Variants in WIPF2 observed in about 807,000 individuals in gnomAD.
WIPF2 encodes the protein WAS/WASL interacting protein family member 2.
In WIPF2, 23 loss-of-function variants were observed where a neutral mutation model predicts 38.8. The observed-to-expected ratio is 0.59, with a 90% CI of 0.43 to 0.84. The LOEUF is 0.84. Ranked by LOEUF, WIPF2 falls within the 40% of genes least tolerant of loss-of-function variation. The pLI is 0.00. For synonymous variants in WIPF2, 210 were observed against 223.2 expected, an observed-to-expected ratio of 0.94 and a Z score of 0.53; for missense variants, 574 against 580.5, an observed-to-expected ratio of 0.99 and a Z score of 0.11.
intron 2 of WIPF2, among the ~76,000 whole-genome samples, chr17:40,257,062 T>C (rs1279787052): frequency 6.6e-6 from 1 of 152,038 alleles, no homozygotes; most frequent in Non-Finnish European, 1.5e-5. Flanking sequence ...CACTGCAACC[T>C]CTGCCTCCTG....
intron 1 of WIPF2, among the ~76,000 whole-genome samples, chr17:40,227,409 C>A (rs1180295624): frequency 1.3e-5 from 2 of 152,068 alleles, no homozygotes; most frequent in East Asian, 3.9e-4. Flanking sequence ...GGATGGTGGC[C>A]ATGGAAGTCA....
intron 7 of WIPF2, 54 bp from the exon 8 acceptor site, chr17:40,278,131 C>G: frequency 6.3e-7 from 1 of 1,582,200 alleles, no homozygotes; most frequent in Non-Finnish European, 8.6e-7. Context: ...GTGGGTTGTT[C>G]AGATTCTGGT....
intron 1 of WIPF2, among the ~76,000 whole-genome samples, chr17:40,245,594 C>T (rs370634836): frequency 6.6e-5 from 10 of 152,070 alleles, no homozygotes; most frequent in Admixed American, 2.0e-4. Context: ...CTACCCGCCT[C>T]GGCCTCCCAA....
chr17:40,254,881 T>C (rs537741741), intron 1 of WIPF2, among the ~76,000 whole-genome samples: 1 of 151,532 alleles, frequency 6.6e-6, no homozygotes, highest in South Asian at 2.1e-4. Flanking sequence ...CAGGCACATG[T>C]CATCACGCCC....
intron 1 of WIPF2, among the ~76,000 whole-genome samples, chr17:40,233,268 A>G (rs1304877150): frequency 6.6e-6 from 1 of 152,080 alleles, no homozygotes; most frequent in Admixed American, 6.6e-5. Flanking sequence ...GTTTGTTTAT[A>G]TGGTGATTTT....
At chr17:40,243,761 T>C (rs1277544821) in intron 1 of WIPF2, among the ~76,000 whole-genome samples, 1 of 152,040 alleles carries the variant, frequency 6.6e-6, no homozygotes, top group African/African-American at 2.4e-5. Context: ...CCTCGGGTGA[T>C]CCACCCACCT....
chr17:40,275,131 C>T (rs2032357836), intron 6 of WIPF2, among the ~76,000 whole-genome samples: 1 of 150,460 alleles, frequency 6.6e-6, no homozygotes, highest in South Asian at 2.1e-4. Context: ...ATCCCAGCTA[C>T]TCAGAAGGCT....
At chr17:40,244,627 G>A (rs566973819) in intron 1 of WIPF2, among the ~76,000 whole-genome samples, 76 of 152,220 alleles carry the variant, frequency 5.0e-4, no homozygotes, top group African/African-American at 1.7e-3. Context: ...GGTTTCTTTG[G>A]TTTTACAGTG....
At chr17:40,220,619 G>GTA (rs1334730875) in intron 1 of WIPF2, 129 of 58,378 alleles carry the variant, frequency 2.2e-3, no homozygotes, top group African/African-American at 8.1e-3. Context: ...ATATATATAT[G>GTA]TATATATATA....
At chr17:40,261,154 C>T (rs1325892438) in intron 3 of WIPF2, among the ~76,000 whole-genome samples, 1 of 151,846 alleles carries the variant, frequency 6.6e-6, no homozygotes, top group African/African-American at 2.4e-5. Flanking sequence ...TGACTGAAAC[C>T]AAGGTTGATT....
At chr17:40,248,025 G>A (rs542702209) in intron 1 of WIPF2, among the ~76,000 whole-genome samples, 1 of 151,870 alleles carries the variant, frequency 6.6e-6, no homozygotes, top group South Asian at 2.1e-4. Context: ...AAACCTGGTT[G>A]AAAAATATAC....
chr17:40,239,661 A>G (rs2031112690), intron 1 of WIPF2, among the ~76,000 whole-genome samples: 1 of 146,308 alleles, frequency 6.8e-6, no homozygotes, highest in Non-Finnish European at 1.5e-5. Context: ...AGCTGTGACT[A>G]GTTCCTTTGG....
At chr17:40,247,211 T>G (rs981794578) in intron 1 of WIPF2, among the ~76,000 whole-genome samples, 2 of 126,628 alleles carry the variant, frequency 1.6e-5, no homozygotes, top group African/African-American at 3.0e-5. Flanking sequence ...TTCAGGGTTT[T>G]TTTTTTTTTT....
chr17:40,260,550 C>T lies in WIPF2; in HGVS notation c.79C>T (p.Pro27Ser), dbSNP rs1463098821. 3.1e-6 allele frequency: 5 copies of T among 1,613,714 alleles called. No homozygotes were observed. Among genetic ancestry groups the T allele is most frequent in the Non-Finnish European group, 4.2e-6 (5 of 1,179,972 alleles). The change falls in exon 3 of 8, where the codon CCC (proline) becomes TCC (serine). Residue 27 changes from proline (P) to serine (S), a missense_variant. Transcript: ENST00000323571. ...TATCCTCCAGGCAAACACAGAGCAG[C>T]CCAAGCTGAGTAGAGATGAGCAGCG... ...PTFHQANTEQ[P>S]KLSRDEQRGR...
At chr17:40,273,536 A>G (rs1020454281) in intron 5 of WIPF2, 1 of 468,250 alleles carries the variant, frequency 2.1e-6, no homozygotes, top group Non-Finnish European at 3.8e-6. Context: ...GGAGGAAGGC[A>G]TGGAAAAGCA....
chr17:40,232,179 A>ATTTTTTTTTTTTTTTTTTTTTTTTTT lies in WIPF2; in HGVS notation c.-70+12690_-70+12715dup, dbSNP rs752876006. 1.1e-4 allele frequency among the ~76,000 whole-genome samples: 8 copies of ATTTTTTTTTTTTTTTTTTTTTTTTTT among 76,052 alleles called. 1 individual carries two copies. Among genetic ancestry groups the ATTTTTTTTTTTTTTTTTTTTTTTTTT allele is most frequent in the African/African-American group, 1.4e-4 (2 of 14,506 alleles). 49.9% of individuals were successfully genotyped at this position (76,052 alleles called of 152,430 possible). ...AGGCACATGCCACCATGCCTGGCTA[A>ATTTTTTTTTTTTTTTTTTTTTTTTTT]TTTTTTTTTTTTTTTTTTTTTTTTT... On this transcript the variant is annotated intron_variant, in intron 1 of 7. Transcript: ENST00000323571.
Position 40,282,842 on chromosome 17 carries a change from A to G in WIPF2, c.*4617A>G, listed in dbSNP as rs961510060. 2.0e-5 allele frequency: 3 copies of G among 152,164 alleles called. No individual in the cohort carries two copies. The highest frequency in any genetic ancestry group is 2.9e-5 in the Non-Finnish European group (2 of 68,066). 9.4% of individuals were successfully genotyped at this position (152,164 alleles called of 1,614,324 possible). ...TCTACTGAATTGGGCAGACTCATCT[A>G]TAGCTTTCTGAGGGTCTTCTCTCCT... On this transcript the variant is annotated 3_prime_UTR_variant, in exon 8 of 8. Transcript: ENST00000323571.
At chr17:40,247,108 C>T (rs1044707592) in intron 1 of WIPF2, among the ~76,000 whole-genome samples, 4 of 151,434 alleles carry the variant, frequency 2.6e-5, no homozygotes, top group Admixed American at 6.6e-5. Context: ...TGCGATACTC[C>T]GTCTCAAAAC....
rs775838379 is a variant in WIPF2, at chr17:40,247,207, GTTTTTTTTTTTTTT to G, written c.-69-9169_-69-9156del. 1.5e-4 allele frequency among the ~76,000 whole-genome samples: 17 copies of G among 116,976 alleles called. No individual in the cohort carries two copies. In the East Asian group the frequency reaches 3.4e-3, roughly 23 times the overall value. The allele number at this position is 116,976 out of a possible 152,430, so 76.7% of individuals were successfully genotyped here. A position where few individuals can be genotyped will look rare whatever the true frequency, so the allele number is the denominator to read the frequency against. On this transcript the variant is annotated intron_variant, in intron 1 of 7. Transcript: ENST00000323571. ...TCGAAAATTTAATTCTTATTTCAGGGTTTTTTTTTTTTTTTTTTTTTTTTTTTTGAGACAGGATC... is the reference window on the plus strand; with the variant it reads ...TCGAAAATTTAATTCTTATTTCAGGGTTTTTTTTTTTTTTGAGACAGGATC...
Sources: allele counts gnomAD v4.1 joint callset (sites outside exome capture counted in the v4.1 genomes callset), GRCh38; gene constraint gnomAD v4.1.1; transcripts MANE v1.5; gene names NCBI Gene and HGNC (gene_info 2026-07-23, HGNC 2026-07-21).